Variants in OR51B5 observed in about 807,000 individuals in gnomAD.
OR51B5 encodes olfactory receptor family 51 subfamily B member 5.
For synonymous variants in OR51B5, 186 were observed against 144.8 expected (o/e 1.28, Z -2.04); for missense variants, 456 against 374.6 (o/e 1.22, Z -1.79).
chr11:5,489,458 T>A (rs7101919), intron 1 of OR51B5: 1 of 1,613,904 alleles, frequency 6.2e-7, no homozygotes, highest in Non-Finnish European at 8.5e-7. Flanking sequence ...ATTGGCATCA[T>A]CCTGGTTTTC....
intron 1 of OR51B5, among the ~76,000 whole-genome samples, chr11:5,439,148 C>T (rs1040735827): frequency 2.0e-5 from 3 of 151,814 alleles, no homozygotes; most frequent in Non-Finnish European, 4.4e-5. Flanking sequence ...AATGGGAGCC[C>T]TAAAGTTGGA....
At chr11:5,439,266 T>G (rs577036816) in intron 1 of OR51B5, among the ~76,000 whole-genome samples, 2 of 152,074 alleles carry the variant, frequency 1.3e-5, no homozygotes, top group Admixed American at 6.6e-5. Context: ...TGGCTGGAAA[T>G]TGTGTATCAA....
intron 1 of OR51B5, among the ~76,000 whole-genome samples, chr11:5,386,786 A>G (rs1417868605): frequency 6.6e-6 from 1 of 152,138 alleles, no homozygotes; most frequent in Non-Finnish European, 1.5e-5. Context: ...GATAGATTAA[A>G]AGAACTTAGT....
At chr11:5,433,238 A>G (rs1447298669) in intron 1 of OR51B5, among the ~76,000 whole-genome samples, 1 of 152,204 alleles carries the variant, frequency 6.6e-6, no homozygotes, top group Admixed American at 6.5e-5. Context: ...TTCAGTGGCC[A>G]TGAGATCAGA....
intron 1 of OR51B5, among the ~76,000 whole-genome samples, chr11:5,472,182 G>C (rs1851239012): frequency 6.6e-6 from 1 of 152,178 alleles, no homozygotes; most frequent in African/African-American, 2.4e-5. Context: ...CACGAAGCCA[G>C]CATAGTGGCA....
chr11:5,390,431 A>G (rs1422373171), intron 1 of OR51B5: 11 of 1,457,696 alleles, frequency 7.5e-6, no homozygotes, highest in African/African-American at 1.4e-5. Context: ...CCCAAATTGG[A>G]CTGAAAATTT....
At chr11:5,409,786 GCAT>G (rs1850115993) in intron 1 of OR51B5, among the ~76,000 whole-genome samples, 1 of 152,038 alleles carries the variant, frequency 6.6e-6, no homozygotes, top group African/African-American at 2.4e-5. Flanking sequence ...CTGGTAAAAC[GCAT>G]CAATCCATAT....
At chr11:5,404,219 T>C (rs1427833351) in intron 1 of OR51B5, among the ~76,000 whole-genome samples, 1 of 151,496 alleles carries the variant, frequency 6.6e-6, no homozygotes, top group East Asian at 2.0e-4. Context: ...TAGCTAAGGA[T>C]TGTAAATGCA....
At chr11:5,345,546 G>C (rs543864845), upstream of OR51B5, among the ~76,000 whole-genome samples, 2 of 152,044 alleles carry the variant, frequency 1.3e-5, no homozygotes, top group Non-Finnish European at 2.9e-5. Context: ...AGTCTGAGGG[G>C]GATACATATT....
intron 1 of OR51B5, among the ~76,000 whole-genome samples, chr11:5,378,477 A>C: frequency 6.6e-6 from 1 of 152,330 alleles, no homozygotes; most frequent in Non-Finnish European, 1.5e-5. Flanking sequence ...TAATGAAACT[A>C]AAGAGCTTCT....
chr11:5,489,715 A>T (rs1197477343), intron 1 of OR51B5: 1 of 1,164,466 alleles, frequency 8.6e-7, no homozygotes, highest in South Asian at 1.4e-5. Context: ...GGCTGTCTAG[A>T]TACATTTACA....
chr11:5,424,343 A>T (rs148450989), intron 1 of OR51B5, among the ~76,000 whole-genome samples: 385 of 149,394 alleles, frequency 2.6e-3, no homozygotes, highest in African/African-American at 9.3e-3. Context: ...GGGAAAACAA[A>T]ACAAACAAAC....
chr11:5,403,460 T>C (rs1055583246), intron 1 of OR51B5: 1 of 471,714 alleles, frequency 2.1e-6, no homozygotes, highest in Admixed American at 2.3e-5. Context: ...TCCCACCTGT[T>C]GTCAATCCTA....
intron 1 of OR51B5, among the ~76,000 whole-genome samples, chr11:5,439,159 G>A (rs1850636739): frequency 6.6e-6 from 1 of 151,914 alleles, no homozygotes; most frequent in African/African-American, 2.4e-5. Context: ...TAAAGTTGGA[G>A]TTTGCCTGAA....
Position 5,342,689 on chromosome 11 carries a change from A to AAATAGGCATAGCTCAT in OR51B5, c.820_835dup (p.Phe279TyrfsTer18). On this transcript the variant is annotated frameshift_variant, in exon 1 of 1. Transcript: ENST00000300773. LOFTEE classifies it low-confidence loss of function (END_TRUNC). ...AGGATTCATTAGTGGAGGGAACAGA[A>AAATAGGCATAGCTCAT]AATAGGCATAGCTCATAATGAGGTG... 6.2e-7 allele frequency: 1 copy of AAATAGGCATAGCTCAT among 1,614,042 alleles called. No homozygotes were observed. Among genetic ancestry groups the AAATAGGCATAGCTCAT allele is most frequent in the Non-Finnish European group, 8.5e-7 (1 of 1,179,944 alleles).
At chr11:5,348,452 T>C (rs1009364502), upstream of OR51B5, among the ~76,000 whole-genome samples, 2 of 152,154 alleles carry the variant, frequency 1.3e-5, no homozygotes, top group African/African-American at 2.4e-5. Context: ...TGAGGAGGTA[T>C]ACCTCTGTAA....
intron 1 of OR51B5, among the ~76,000 whole-genome samples, chr11:5,385,822 AAAG>A (rs904143975): frequency 4.0e-5 from 6 of 149,032 alleles, no homozygotes; most frequent in East Asian, 3.9e-4. Flanking sequence ...TAAAGTATAT[AAAG>A]AATATATAAT....
chr11:5,388,201 A>G (rs1012158960), intron 1 of OR51B5, among the ~76,000 whole-genome samples: 1 of 152,150 alleles, frequency 6.6e-6, no homozygotes, highest in Non-Finnish European at 1.5e-5. Context: ...TTCCAATGAT[A>G]TGGTGGCTAA....
chr11:5,441,216 A>T, intron 1 of OR51B5: 1 of 1,614,024 alleles, frequency 6.2e-7, no homozygotes. Flanking sequence ...CATCTGGACC[A>T]GGCAAGCATT....
Sources: allele counts gnomAD v4.1 joint callset (sites outside exome capture counted in the v4.1 genomes callset), GRCh38; gene constraint gnomAD v4.1.1; transcripts MANE v1.5; gene names NCBI Gene and HGNC (gene_info 2026-07-23, HGNC 2026-07-21).